The following CDKAL1 variants were observed in gnomAD, a reference collection of about 807,000 sequenced individuals.
The protein encoded by CDKAL1 is threonylcarbamoyladenosine tRNA methylthiotransferase.
A neutral mutation model predicts 68.2 loss-of-function variants in CDKAL1; 32 were observed. The observed-to-expected ratio is 0.47, with a 90% CI of 0.35 to 0.63. The LOEUF is 0.63. Ranked by LOEUF, CDKAL1 falls within the 30% of genes least tolerant of loss-of-function variation. The pLI is 0.00. For synonymous variants in CDKAL1, 234 were observed against 244.3 expected, an observed-to-expected ratio of 0.96 and a Z score of 0.39; for missense variants, 606 against 696.7, an observed-to-expected ratio of 0.87 and a Z score of 1.47.
At chr6:20,798,025 A>C (rs1002587880) in intron 8 of CDKAL1, among the ~76,000 whole-genome samples, 5 of 151,820 alleles carry the variant, frequency 3.3e-5, no homozygotes, top group African/African-American at 1.2e-4. Flanking sequence ...CGTGTTGCCC[A>C]GGCTGGTCTT....
At chr6:21,135,126 T>G (rs574070588) in intron 13 of CDKAL1, among the ~76,000 whole-genome samples, 1 of 152,122 alleles carries the variant, frequency 6.6e-6, no homozygotes, top group African/African-American at 2.4e-5. Context: ...TGTCTTGACT[T>G]TGCCTCCAAA....
chr6:20,657,134 A>G (rs182535626), intron 5 of CDKAL1, among the ~76,000 whole-genome samples: 2 of 152,344 alleles, frequency 1.3e-5, no homozygotes, highest in African/African-American at 4.8e-5. Context: ...ACCATTGCCT[A>G]ACACAAAACA....
intron 11 of CDKAL1, among the ~76,000 whole-genome samples, chr6:21,008,126 A>T (rs1158406175): frequency 1.3e-5 from 2 of 152,198 alleles, no homozygotes; most frequent in African/African-American, 2.4e-5. Context: ...GATGAGTTTG[A>T]TGTTAGACAT....
At chr6:20,873,774 C>T (rs557231973) in intron 9 of CDKAL1, among the ~76,000 whole-genome samples, 1 of 152,070 alleles carries the variant, frequency 6.6e-6, no homozygotes, top group South Asian at 2.1e-4. Flanking sequence ...ATTTTTGTAA[C>T]CTTGCTTAAT....
At chr6:21,038,232 T>C (rs192453300) in intron 11 of CDKAL1, among the ~76,000 whole-genome samples, 12 of 152,324 alleles carry the variant, frequency 7.9e-5, no homozygotes, top group East Asian at 7.7e-4. Flanking sequence ...AGAGTTTAGC[T>C]CTGTCAAATA....
chr6:21,075,357 T>C (rs1214537553), intron 12 of CDKAL1, among the ~76,000 whole-genome samples: 1 of 152,122 alleles, frequency 6.6e-6, no homozygotes, highest in Non-Finnish European at 1.5e-5. Flanking sequence ...ATGGCAGAGC[T>C]CTAATAAATG....
At chr6:20,584,479 C>G (rs1236009898) in intron 4 of CDKAL1, among the ~76,000 whole-genome samples, 1 of 152,124 alleles carries the variant, frequency 6.6e-6, no homozygotes, top group African/African-American at 2.4e-5. Flanking sequence ...AACCCTCCTG[C>G]CCCATCCGTG....
intron 5 of CDKAL1, among the ~76,000 whole-genome samples, chr6:20,730,017 G>C (rs1382516590): frequency 6.6e-6 from 1 of 152,056 alleles, no homozygotes; most frequent in East Asian, 1.9e-4. Flanking sequence ...CTATTAAAAG[G>C]TTAAATAAGA....
intron 7 of CDKAL1, among the ~76,000 whole-genome samples, chr6:20,765,786 T>G (rs1774675283): frequency 6.6e-6 from 1 of 152,242 alleles, no homozygotes; most frequent in Non-Finnish European, 1.5e-5. Flanking sequence ...AAGGACTTTG[T>G]AAGAGAAGCC....
intron 8 of CDKAL1, among the ~76,000 whole-genome samples, chr6:20,819,836 TTTTA>T (rs1777201548): frequency 6.6e-6 from 1 of 151,970 alleles, no homozygotes; most frequent in Non-Finnish European, 1.5e-5. Flanking sequence ...AAATATTTAT[TTTTA>T]TTTATTATTT....
At chr6:21,040,656 G>A (rs544200798) in intron 11 of CDKAL1, among the ~76,000 whole-genome samples, 1 of 152,114 alleles carries the variant, frequency 6.6e-6, no homozygotes, top group Non-Finnish European at 1.5e-5. Context: ...ATACTTCAGG[G>A]TCATTATTTC....
intron 11 of CDKAL1, among the ~76,000 whole-genome samples, chr6:21,026,859 A>G (rs1768987954): frequency 6.6e-6 from 1 of 152,128 alleles, no homozygotes; most frequent in African/African-American, 2.4e-5. Flanking sequence ...TTGTCTATTT[A>G]CCATAATGAC....
chr6:21,091,880 T>C (rs1376935545), intron 12 of CDKAL1, among the ~76,000 whole-genome samples: 4 of 13,236 alleles, frequency 3.0e-4, no homozygotes, highest in Non-Finnish European at 5.3e-4. Flanking sequence ...TTTTTTTTTT[T>C]TTTTTTTTTT....
In CDKAL1 at chr6:21,116,530, G is replaced by A. The variant is rs142601721; in HGVS notation, c.1299+8067G>A. 2.0e-3 allele frequency among the ~76,000 whole-genome samples: 302 copies of A among 152,248 alleles called. 2 individuals are homozygous for A. The highest frequency in any genetic ancestry group is 6.9e-3 in the African/African-American group (285 of 41,550). ...AGATGGGAAAATGGCAGCAGGGCAGGAGAGAAGAGATAGGATGCCATCCTG... is the reference window on the plus strand; with the variant it reads ...AGATGGGAAAATGGCAGCAGGGCAGAAGAGAAGAGATAGGATGCCATCCTG... On this transcript the variant is annotated intron_variant, in intron 13 of 15. Transcript: ENST00000274695.
At chr6:21,108,213 C>T (rs1385469366) in intron 12 of CDKAL1, among the ~76,000 whole-genome samples, 188 bp from the exon 13 acceptor site, 2 of 150,800 alleles carry the variant, frequency 1.3e-5, no homozygotes, top group African/African-American at 4.9e-5. Flanking sequence ...CCCACATAAC[C>T]ATAAAGTGAC....
chr6:21,218,271 A>G (rs144478359), intron 15 of CDKAL1, among the ~76,000 whole-genome samples: 80 of 152,352 alleles, frequency 5.3e-4, no homozygotes, highest in African/African-American at 1.9e-3. Flanking sequence ...TTGGTCTTCA[A>G]TGCCTCTGTT....
At chr6:21,025,994 A>C (rs909424094) in intron 11 of CDKAL1, among the ~76,000 whole-genome samples, 3 of 152,114 alleles carry the variant, frequency 2.0e-5, no homozygotes, top group African/African-American at 4.8e-5. Flanking sequence ...TGGTCCATAT[A>C]ATTTATCATT....
chr6:20,897,674 T>C (rs1761765293), intron 9 of CDKAL1, among the ~76,000 whole-genome samples: 1 of 152,186 alleles, frequency 6.6e-6, no homozygotes, highest in Non-Finnish European at 1.5e-5. Flanking sequence ...GGAAAAAGTC[T>C]TCGTGTATGT....
intron 9 of CDKAL1, among the ~76,000 whole-genome samples, chr6:20,858,327 T>C (rs574029652): frequency 2.0e-4 from 30 of 152,090 alleles, no homozygotes; most frequent in Non-Finnish European, 3.4e-4. Flanking sequence ...GTATTGACTT[T>C]TTTTTTTCCT....
Sources: allele counts gnomAD v4.1 joint callset (sites outside exome capture counted in the v4.1 genomes callset), GRCh38; gene constraint gnomAD v4.1.1; transcripts MANE v1.5; gene names NCBI Gene and HGNC (gene_info 2026-07-23, HGNC 2026-07-21).